ARHGAP6: variants seen among roughly 807,000 people sequenced by gnomAD.
ARHGAP6 encodes rho GTPase-activating protein 6.
In ARHGAP6, 16 loss-of-function variants were observed where a neutral mutation model predicts 55.7. The observed-to-expected ratio is 0.29, with a 90% CI of 0.19 to 0.44. The LOEUF (loss-of-function observed/expected upper bound fraction) is 0.44. Ranked by LOEUF, ARHGAP6 falls within the 20% of genes least tolerant of loss-of-function variation. ARHGAP6 has a pLI of 1.00. For missense variants in ARHGAP6, 698 were observed against 808.9 expected, an observed-to-expected ratio of 0.86 and a Z score of 1.66; for synonymous variants, 382 against 360.9, an observed-to-expected ratio of 1.06 and a Z score of -0.66.
chrX:11,660,402 G>A (rs1923406013), intron 1 of ARHGAP6, among the ~76,000 whole-genome samples: 1 of 107,700 alleles, frequency 9.3e-6, no homozygotes, highest in Non-Finnish European at 1.9e-5. Flanking sequence ...CTCTACTGGT[G>A]CATGCCTGTA....
intron 1 of ARHGAP6, among the ~76,000 whole-genome samples, chrX:11,652,207 A>T (rs987329856): frequency 8.9e-6 from 1 of 112,035 alleles, no homozygotes; most frequent in African/African-American, 3.2e-5. Context: ...GCCCATGCCT[A>T]TGTTCTGAAT....
At chrX:11,518,449 T>C (rs1281183102) in intron 1 of ARHGAP6, among the ~76,000 whole-genome samples, 2 of 99,719 alleles carry the variant, frequency 2.0e-5, no homozygotes, top group Non-Finnish European at 4.0e-5. Context: ...TGGCCCAATT[T>C]TCTTTTTTTT....
At chrX:11,171,489 A>G (rs1056663052) in intron 8 of ARHGAP6, among the ~76,000 whole-genome samples, 2 of 111,804 alleles carry the variant, frequency 1.8e-5, no homozygotes, top group Non-Finnish European at 3.8e-5. Flanking sequence ...ACAGTCAACT[A>G]ATAGGCATTG....
intron 4 of ARHGAP6, 38 bp downstream of exon 4, chrX:11,188,690 C>T (rs1004374653): frequency 2.5e-6 from 3 of 1,185,104 alleles, no homozygotes; most frequent in African/African-American, 1.8e-5. Flanking sequence ...CTTCAGTTTT[C>T]CTAGCACTGG....
chrX:11,408,579 A>G (rs2049639737), intron 1 of ARHGAP6, among the ~76,000 whole-genome samples: 1 of 111,131 alleles, frequency 9.0e-6, no homozygotes, highest in African/African-American at 3.3e-5. Flanking sequence ...TGACCGATGC[A>G]GCAGTTACCC....
At chrX:11,488,455 AC>A (rs1458485622) in intron 1 of ARHGAP6, among the ~76,000 whole-genome samples, 2 of 111,624 alleles carry the variant, frequency 1.8e-5, no homozygotes, top group Non-Finnish European at 3.8e-5. Flanking sequence ...ACCATTAAAA[AC>A]GATATAAAAT....
intron 2 of ARHGAP6, among the ~76,000 whole-genome samples, chrX:11,218,923 C>T (rs1354746025): frequency 9.3e-6 from 1 of 107,945 alleles, no homozygotes; most frequent in Non-Finnish European, 1.9e-5. Flanking sequence ...TTTTAGGGTA[C>T]ATGTGCACAT....
At chrX:11,264,427 G>T (rs962232939) in intron 1 of ARHGAP6, among the ~76,000 whole-genome samples, 1 of 111,759 alleles carries the variant, frequency 8.9e-6, no homozygotes, top group Non-Finnish European at 1.9e-5. Context: ...CCAGTGGAAA[G>T]AACCTTTCCA....
rs754897732 is a variant in ARHGAP6 at position 11,473,776 on chromosome X, AT to A, written c.588+190464del. On this transcript the variant is annotated intron_variant, in intron 1 of 12. Coordinates refer to ENST00000337414, the MANE Select transcript of ARHGAP6 (RefSeq NM_013427.3). ...TTGGCAGCCCTAGGAAACTAACACA[AT>A]GCACATTTAGACAGTTTGGGCCAAA... is the stretch of plus-strand genomic sequence containing the variant. 5.0e-4 allele frequency among the ~76,000 whole-genome samples: 56 copies of A among 111,928 alleles called. 1 individual carries two copies. The East Asian group carries it at 0.014, about 28-fold the overall frequency.
chrX:11,320,560 G>T (rs899193733), intron 1 of ARHGAP6, among the ~76,000 whole-genome samples: 2 of 110,703 alleles, frequency 1.8e-5, no homozygotes, highest in Non-Finnish European at 3.8e-5. Flanking sequence ...CTGGAGCCAG[G>T]AATTAACGTG....
At chrX:11,586,269 T>C (rs1054900880) in intron 1 of ARHGAP6, among the ~76,000 whole-genome samples, 13 of 112,405 alleles carry the variant, frequency 1.2e-4, no homozygotes, top group Admixed American at 1.9e-4. Flanking sequence ...CAGAATGGTA[T>C]TGCCTAGGTT....
chrX:11,511,138 AAT>A (rs1204835840), intron 1 of ARHGAP6, among the ~76,000 whole-genome samples: 13 of 112,363 alleles, frequency 1.2e-4, no homozygotes, highest in African/African-American at 3.6e-4. Flanking sequence ...GCATAATTAA[AAT>A]GACACAAACG....
At chrX:11,586,070 G>A (rs1463286162) in intron 1 of ARHGAP6, among the ~76,000 whole-genome samples, 1 of 111,272 alleles carries the variant, frequency 9.0e-6, no homozygotes, top group Non-Finnish European at 1.9e-5. Flanking sequence ...CCAACATTGG[G>A]GATTAAAATT....
intron 2 of ARHGAP6, among the ~76,000 whole-genome samples, chrX:11,203,437 A>G (rs759307104): frequency 9.0e-6 from 1 of 111,635 alleles, no homozygotes; most frequent in East Asian, 2.8e-4. Flanking sequence ...ACAATAATCA[A>G]TGCCGGCACA....
chrX:11,335,860 G>A (rs1380959323), intron 1 of ARHGAP6: 2 of 215,984 alleles, frequency 9.3e-6, no homozygotes, highest in Non-Finnish European at 8.5e-6. Flanking sequence ...GGTAAAAGGT[G>A]GCAGCGATCC....
chrX:11,516,928 C>T (rs755421702), intron 1 of ARHGAP6, among the ~76,000 whole-genome samples: 2 of 111,681 alleles, frequency 1.8e-5, no homozygotes, highest in African/African-American at 3.3e-5. Context: ...CTTCAAGGCC[C>T]CTATTCACTT....
At chrX:11,323,519 G>A (rs1175362848) in intron 1 of ARHGAP6, among the ~76,000 whole-genome samples, 1 of 111,868 alleles carries the variant, frequency 8.9e-6, no homozygotes, top group Non-Finnish European at 1.9e-5. Flanking sequence ...AAAAGTTTAT[G>A]AGGACAGTCC....
At chrX:11,503,677 C>T (rs1201724950) in intron 1 of ARHGAP6, among the ~76,000 whole-genome samples, 2 of 111,520 alleles carry the variant, frequency 1.8e-5, no homozygotes, top group East Asian at 2.8e-4. Flanking sequence ...TTCTCTCTCT[C>T]GGATCTTCAG....
chrX:11,639,547 C>CT (rs2052452496), intron 1 of ARHGAP6, among the ~76,000 whole-genome samples: 1 of 111,085 alleles, frequency 9.0e-6, no homozygotes, highest in Non-Finnish European at 1.9e-5. Flanking sequence ...TGAACTCATC[C>CT]TTTTTTATGG....
Sources: gnomAD v4.1 joint callset for allele counts (sites outside exome capture counted in the v4.1 genomes callset) on GRCh38, gnomAD v4.1.1 for gene constraint, MANE v1.5 for transcripts, NCBI Gene and HGNC (gene_info 2026-07-23, HGNC 2026-07-21) for gene names.